KHDRBS2: variants seen among roughly 807,000 people sequenced by gnomAD.
KHDRBS2 encodes KH domain-containing, RNA-binding, signal transduction-associated protein 2.
Under a neutral mutation model 44.3 loss-of-function variants are expected in KHDRBS2, and 26 were observed. That is an observed-to-expected ratio of 0.59 (90% CI 0.43 to 0.81). KHDRBS2 has a LOEUF of 0.81. KHDRBS2 is among the 40% of genes least tolerant of loss of function. KHDRBS2 has a pLI of 0.00. For missense variants in KHDRBS2, 476 were observed against 433.1 expected (o/e 1.10, Z -0.88); for synonymous variants, 194 against 151.1 (o/e 1.28, Z -2.08).
chr6:62,233,694 G>A (rs1833240604), intron 1 of KHDRBS2, among the ~76,000 whole-genome samples: 1 of 152,008 alleles, frequency 6.6e-6, no homozygotes, highest in Non-Finnish European at 1.5e-5. Context: ...ATGTGTTCAT[G>A]TGTTCTCATC....
chr6:62,274,708 A>G (rs2150191420), intron 1 of KHDRBS2, among the ~76,000 whole-genome samples: 1 of 152,258 alleles, frequency 6.6e-6, no homozygotes. Context: ...TCATCTCCAT[A>G]GGCTTGTTTA....
the KHDRBS2 span, among the ~76,000 whole-genome samples, chr6:61,554,131 T>C: frequency 2.0e-5 from 3 of 152,200 alleles, no homozygotes; most frequent in Non-Finnish European, 4.4e-5. Context: ...TGCATAGTTA[T>C]CTAAATCTCT....
At chr6:61,773,689 T>A (rs1471122466) in intron 6 of KHDRBS2, among the ~76,000 whole-genome samples, 1 of 151,624 alleles carries the variant, frequency 6.6e-6, no homozygotes, top group Admixed American at 6.6e-5. Flanking sequence ...TGCCATTGCT[T>A]TTGGTGTTGT....
At chr6:62,271,637 G>A (rs988552802) in intron 1 of KHDRBS2, among the ~76,000 whole-genome samples, 1 of 152,014 alleles carries the variant, frequency 6.6e-6, no homozygotes, top group African/African-American at 2.4e-5. Flanking sequence ...ACAAGATGTA[G>A]GGTGGTGGAT....
chr6:62,040,691 C>T (rs1786289239), intron 3 of KHDRBS2, among the ~76,000 whole-genome samples: 1 of 152,248 alleles, frequency 6.6e-6, no homozygotes, highest in South Asian at 2.1e-4. Context: ...TTTTGGCTTT[C>T]TTCACAGTAA....
intron 1 of KHDRBS2, among the ~76,000 whole-genome samples, chr6:62,206,703 T>A (rs1412688856): frequency 6.6e-6 from 1 of 152,102 alleles, no homozygotes; most frequent in Non-Finnish European, 1.5e-5. Context: ...TGATTCTATA[T>A]CTGTTTTTCT....
intron 4 of KHDRBS2, among the ~76,000 whole-genome samples, chr6:61,968,356 C>A (rs1358308348): frequency 3.3e-5 from 5 of 151,964 alleles, no homozygotes; most frequent in African/African-American, 1.2e-4. Flanking sequence ...CTACACCTAC[C>A]ACAGTTCTGT....
the KHDRBS2 span, among the ~76,000 whole-genome samples, chr6:61,648,393 A>G: frequency 1.3e-5 from 2 of 152,306 alleles, no homozygotes; most frequent in South Asian, 4.1e-4. Flanking sequence ...ATGAAAATGA[A>G]AAGTATCCTA....
intron 6 of KHDRBS2, among the ~76,000 whole-genome samples, chr6:61,891,661 C>T (rs530244276): frequency 6.6e-6 from 1 of 152,288 alleles, no homozygotes; most frequent in African/African-American, 2.4e-5. Context: ...ACATGATTAT[C>T]TCAATAGTTG....
the KHDRBS2 span, among the ~76,000 whole-genome samples, chr6:61,608,457 T>C: frequency 6.6e-6 from 1 of 152,064 alleles, no homozygotes; most frequent in Non-Finnish European, 1.5e-5. Flanking sequence ...TAATTAGGTA[T>C]AATTAAGTTC....
At chr6:61,719,431 C>T (rs543688475) in intron 7 of KHDRBS2, among the ~76,000 whole-genome samples, 1 of 150,832 alleles carries the variant, frequency 6.6e-6, no homozygotes, top group South Asian at 2.1e-4. Context: ...AGAAGGTTGA[C>T]CTTTGAAAAT....
In KHDRBS2 at chr6:61,795,683, T is replaced by G. The variant is rs183392530; in HGVS notation, c.811-62919A>C. Among the ~76,000 whole-genome samples the G allele has an allele frequency of 2.0e-5, 3 of 152,310 alleles. No homozygotes were observed. In the East Asian group the frequency reaches 5.8e-4, roughly 29 times the overall value. On this transcript the variant is annotated intron_variant, in intron 6 of 8. Transcript: ENST00000281156. ...TGTGAGTATGCCTGCTCCAGATCAA[T>G]GCAACTTATAATTTGTTCTTCCCCT...
intron 1 of KHDRBS2, among the ~76,000 whole-genome samples, chr6:62,268,912 T>C (rs1415158871): frequency 6.6e-6 from 1 of 152,076 alleles, no homozygotes; most frequent in Non-Finnish European, 1.5e-5. Context: ...CATAAAACAC[T>C]ATAAAATTTA....
At chr6:61,658,301 A>G in the KHDRBS2 span, among the ~76,000 whole-genome samples, 1 of 151,844 alleles carries the variant, frequency 6.6e-6, no homozygotes, top group African/African-American at 2.4e-5. Flanking sequence ...TTATTGTTTT[A>G]TTTACTATTC....
intron 1 of KHDRBS2, among the ~76,000 whole-genome samples, chr6:62,208,071 C>A (rs554372785): frequency 6.6e-6 from 1 of 152,264 alleles, no homozygotes; most frequent in African/African-American, 2.4e-5. Context: ...ATGGTAAATG[C>A]TGCTTCATTC....
At chr6:62,078,221 A>T (rs533290338) in intron 2 of KHDRBS2, among the ~76,000 whole-genome samples, 325 of 152,220 alleles carry the variant, frequency 2.1e-3, no homozygotes, top group Non-Finnish European at 4.0e-3. Flanking sequence ...TGAGAAATTC[A>T]GAAATGTCTG....
intron 4 of KHDRBS2, among the ~76,000 whole-genome samples, chr6:61,940,570 G>C (rs1811948013): frequency 6.6e-6 from 1 of 152,106 alleles, no homozygotes; most frequent in South Asian, 2.1e-4. Flanking sequence ...TAAATTACAG[G>C]TGTGAGTCAC....
At chr6:62,272,053 T>C (rs1249791370) in intron 1 of KHDRBS2, among the ~76,000 whole-genome samples, 1 of 152,168 alleles carries the variant, frequency 6.6e-6, no homozygotes, top group South Asian at 2.1e-4. Context: ...AAATGCCCTA[T>C]ATAGGTGTAC....
chr6:62,062,650 G>A (rs949255179), intron 2 of KHDRBS2, among the ~76,000 whole-genome samples: 2 of 148,576 alleles, frequency 1.3e-5, no homozygotes, highest in Non-Finnish European at 3.0e-5. Flanking sequence ...GAAATTTACA[G>A]CACTAAATGC....
Sources: allele counts gnomAD v4.1 joint callset (sites outside exome capture counted in the v4.1 genomes callset), GRCh38; gene constraint gnomAD v4.1.1; transcripts MANE v1.5; gene names NCBI Gene and HGNC (gene_info 2026-07-23, HGNC 2026-07-21).